The following OSBPL2 variants were observed in gnomAD, a reference collection of about 807,000 sequenced individuals.
OSBPL2 encodes oxysterol-binding protein-related protein 2.
In OSBPL2, 18 loss-of-function variants were observed where a neutral mutation model predicts 58.4. The observed-to-expected ratio is 0.31, with a 90% CI of 0.21 to 0.46. The LOEUF (loss-of-function observed/expected upper bound fraction) is 0.46. OSBPL2 is among the 20% of genes least tolerant of loss of function. OSBPL2 has a pLI of 1.00. For missense variants in OSBPL2, 461 were observed against 616.5 expected, an observed-to-expected ratio of 0.75 and a Z score of 2.67; for synonymous variants, 221 against 234.1, an observed-to-expected ratio of 0.94 and a Z score of 0.51.
rs1322671043 is a variant in OSBPL2, at chr20:62,256,120, G to A, written c.-65G>A. 7 of 1,554,410 alleles carry A rather than the reference G, an allele frequency of 4.5e-6. No homozygotes were observed. Among genetic ancestry groups the A allele is most frequent in the African/African-American group, 1.4e-5 (1 of 73,630 alleles). On this transcript the variant is annotated 5_prime_UTR_variant, in exon 2 of 14. It introduces an in-frame stop codon into an upstream open reading frame of the 5' UTR. Transcript: ENST00000313733. ...GTAAAATTCCTTACACTGTAGATGT[G>A]GATCAGATACGATGATTCAGTAGAA... is the stretch of plus-strand genomic sequence containing the variant.
intron 1 of OSBPL2, among the ~76,000 whole-genome samples, chr20:62,243,753 G>T (rs1034956288): frequency 2.0e-5 from 3 of 151,948 alleles, no homozygotes; most frequent in African/African-American, 7.3e-5. Context: ...TTAGATCAAG[G>T]ACCCCTTTGA....
intron 5 of OSBPL2, among the ~76,000 whole-genome samples, chr20:62,272,904 A>T (rs922223087): frequency 1.3e-5 from 2 of 152,216 alleles, no homozygotes; most frequent in African/African-American, 4.8e-5. Flanking sequence ...TCTAAAAAAT[A>T]ACAAAATACA....
At chr20:62,257,430 A>G (rs997207409) in intron 2 of OSBPL2, among the ~76,000 whole-genome samples, 12 of 152,168 alleles carry the variant, frequency 7.9e-5, no homozygotes, top group African/African-American at 2.9e-4. Context: ...GTCATTTTCC[A>G]TGATTTCGTA....
At chr20:62,282,800 C>T (rs534755864) in intron 9 of OSBPL2, among the ~76,000 whole-genome samples, 9 of 152,336 alleles carry the variant, frequency 5.9e-5, no homozygotes, top group Admixed American at 3.9e-4. Context: ...GCGCTCCAGC[C>T]GGGGCAGCCA....
chr20:62,286,876 G>A (rs1052373850), intron 11 of OSBPL2, among the ~76,000 whole-genome samples, 165 bp downstream of exon 11: 1 of 152,246 alleles, frequency 6.6e-6, no homozygotes, highest in Non-Finnish European at 1.5e-5. Context: ...AGTGGCTTCT[G>A]TTGTCCCTGG....
chr20:62,266,456 T>G (rs1981664109), intron 4 of OSBPL2, among the ~76,000 whole-genome samples: 1 of 152,200 alleles, frequency 6.6e-6, no homozygotes, highest in Non-Finnish European at 1.5e-5. Flanking sequence ...TGAGCTCATG[T>G]CCCCATAGCT....
intron 1 of OSBPL2, among the ~76,000 whole-genome samples, chr20:62,248,745 C>T (rs932271598): frequency 6.6e-6 from 1 of 152,070 alleles, no homozygotes; most frequent in African/African-American, 2.4e-5. Context: ...CTCTGGAGTG[C>T]AGTGGAGCAA....
At chr20:62,276,807 G>A (rs1982411841) in intron 6 of OSBPL2, among the ~76,000 whole-genome samples, 2 of 152,180 alleles carry the variant, frequency 1.3e-5, no homozygotes, top group African/African-American at 4.8e-5. Flanking sequence ...CTGAATTCAT[G>A]TAGAGTGTGC....
At chr20:62,284,734 TGCCCACGA>T (rs1568850724) in intron 10 of OSBPL2, 1 of 152,630 alleles carries the variant, frequency 6.6e-6, no homozygotes, top group Admixed American at 6.5e-5. Flanking sequence ...TGGGCACCAG[TGCCCACGA>T]GTCATACATA....
Position 62,289,086 on chromosome 20 carries a change from G to A in OSBPL2, c.1126-121G>A, listed in dbSNP as rs543803949. 83 of 1,086,604 alleles carry A rather than the reference G, an allele frequency of 7.6e-5. 1 individual carries two copies. In the South Asian group the frequency reaches 1.3e-3, roughly 17 times the overall value. The allele number at this position is 1,086,604 out of a possible 1,614,324, so 67.3% of individuals were successfully genotyped here. ...CAGGTGGAAGACGTGAGCGGAAGTA[G>A]GTTCCCATGGTGGCAGTCAGGTAGC... is the stretch of plus-strand genomic sequence containing the variant. On this transcript the variant is annotated intron_variant, in intron 11 of 13. Coordinates refer to ENST00000313733, the MANE Select transcript of OSBPL2 (RefSeq NM_144498.4).
At chr20:62,240,072 C>G (rs1352993632) in intron 1 of OSBPL2, among the ~76,000 whole-genome samples, 2 of 152,120 alleles carry the variant, frequency 1.3e-5, no homozygotes, top group African/African-American at 4.8e-5. Flanking sequence ...AGGCTGGTCT[C>G]GAACTCCTAA....
At chr20:62,238,625 A>C (rs1306701239) in intron 1 of OSBPL2, 28 bp downstream of exon 1, 2 of 146,184 alleles carry the variant, frequency 1.4e-5, no homozygotes, top group East Asian at 4.1e-4. Flanking sequence ...CCGCCACGCG[A>C]AGGCCCGGGA....
rs1197714025 is a variant in OSBPL2 at position 62,269,602 on chromosome 20, A to G, written c.259-2523A>G. On this transcript the variant is annotated intron_variant, in intron 4 of 13. Coordinates refer to ENST00000313733, the MANE Select transcript of OSBPL2 (RefSeq NM_144498.4). The surrounding 1 kb of genome is among the most constrained non-coding windows in gnomAD (Gnocchi z 4.2). ...CGCACTTCCCGGCCTCCCTGGTCCC[A>G]ATCTCTGGCCGCTGTGGACTGTGGC... is the stretch of plus-strand genomic sequence containing the variant. 6.6e-6 allele frequency among the ~76,000 whole-genome samples: 1 copy of G among 152,156 alleles called. No homozygotes were observed. The highest frequency in any genetic ancestry group is 1.5e-5 in the Non-Finnish European group (1 of 68,022).
At chr20:62,290,518 G>T (rs1983434987) in intron 12 of OSBPL2, among the ~76,000 whole-genome samples, 2 of 145,812 alleles carry the variant, frequency 1.4e-5, no homozygotes, top group African/African-American at 5.1e-5. Flanking sequence ...CTGGGTTCAG[G>T]CCATTCTCCT....
In OSBPL2 at chr20:62,247,253, G is replaced by A. The variant is rs538202471; in HGVS notation, c.-129+8656G>A. ...CGTCGGCTTGAGTGAGTGCAGGGAT[G>A]GCTGAGCTTGCCTCTTGGCTTAGGC... On this transcript the variant is annotated intron_variant, in intron 1 of 13. Coordinates refer to ENST00000313733, the MANE Select transcript of OSBPL2 (RefSeq NM_144498.4). Among the ~76,000 whole-genome samples the A allele has an allele frequency of 8.3e-4, 127 of 152,344 alleles. No individual in the cohort carries two copies. The South Asian group carries it at 0.025, about 30-fold the overall frequency.
intron 6 of OSBPL2, among the ~76,000 whole-genome samples, chr20:62,277,832 G>A (rs1982485651): frequency 1.3e-5 from 2 of 152,118 alleles, no homozygotes; most frequent in African/African-American, 4.8e-5. Flanking sequence ...ATTAAAAGCT[G>A]ACATTTTGAT....
chr20:62,243,958 C>T (rs1326195627), intron 1 of OSBPL2, among the ~76,000 whole-genome samples: 1 of 152,026 alleles, frequency 6.6e-6, no homozygotes, highest in Non-Finnish European at 1.5e-5. Context: ...GCACAGTTGG[C>T]AGCCACGTGG....
intron 1 of OSBPL2, among the ~76,000 whole-genome samples, chr20:62,250,550 T>C (rs768094992): frequency 3.3e-5 from 5 of 152,204 alleles, no homozygotes; most frequent in South Asian, 2.1e-4. Context: ...TTAATCCTCA[T>C]TTTAAAGATT....
chr20:62,289,055 A>G (rs933392656), intron 11 of OSBPL2, 152 bp from the exon 12 acceptor site: 29 of 746,178 alleles, frequency 3.9e-5, no homozygotes, highest in Non-Finnish European at 6.1e-5. Flanking sequence ...AGAGGCATTG[A>G]ATTTGCAGGT....
Sources: allele counts gnomAD v4.1 joint callset (sites outside exome capture counted in the v4.1 genomes callset), GRCh38; gene constraint gnomAD v4.1.1; non-coding constraint Gnocchi (gnomAD v3.1); transcripts MANE v1.5; gene names NCBI Gene and HGNC (gene_info 2026-07-23, HGNC 2026-07-21).